The following TRIM8 variants were observed in gnomAD, a reference collection of about 807,000 sequenced individuals.
TRIM8 encodes the protein E3 ubiquitin-protein ligase TRIM8.
In TRIM8, 9 loss-of-function variants were observed where a neutral mutation model predicts 55.7. That is an observed-to-expected ratio of 0.16 (90% CI 0.10 to 0.28). The LOEUF is 0.28. Ranked by LOEUF, TRIM8 falls within the 10% of genes least tolerant of loss-of-function variation. TRIM8 has a pLI of 1.00. For synonymous variants in TRIM8, 335 were observed against 333.3 expected (o/e 1.01, Z -0.06); for missense variants, 556 against 736.4 (o/e 0.76, Z 2.83).
chr10:102,647,159 C>A (rs1210748348), intron 1 of TRIM8, among the ~76,000 whole-genome samples: 2 of 152,210 alleles, frequency 1.3e-5, no homozygotes, highest in Non-Finnish European at 2.9e-5. Context: ...CAGCAGGCCC[C>A]TCATTTCCAG....
At chr10:102,654,622 C>T (rs371114654) in intron 1 of TRIM8, 31 bp from the exon 2 acceptor site, 1 of 1,563,636 alleles carries the variant, frequency 6.4e-7, no homozygotes, top group African/African-American at 1.3e-5. Flanking sequence ...GCCACAGTCC[C>T]TCTGATACTC....
Position 102,656,156 on chromosome 10 carries a change from C to G in TRIM8, c.932+19C>G, listed in dbSNP as rs753092667. ...TGGACAGGTAAGCTGAGGGCCCTAG[C>G]CCTCCCGGGGGCACATCCTGGGGAG... On this transcript the variant is annotated intron_variant, in intron 4 of 5. Transcript: ENST00000643721. The surrounding 1 kb of genome is among the most constrained non-coding windows in gnomAD (Gnocchi z 4.6). The G allele has an allele frequency of 1.2e-6, 2 of 1,614,164 alleles. No individual in the cohort carries two copies. The highest frequency in any genetic ancestry group is 2.2e-5 in the South Asian group (2 of 91,088).
Position 102,656,878 on chromosome 10 carries a change from G to A in TRIM8, c.1180G>A (p.Gly394Ser), listed in dbSNP as rs1482158539. The A allele has an allele frequency of 6.3e-7, 1 of 1,574,908 alleles. No homozygotes were observed. Among genetic ancestry groups the A allele is most frequent in the Admixed American group, 1.9e-5 (1 of 53,124 alleles). Residue 394 changes from glycine (G) to serine (S), a missense_variant, in exon 6 of 6, where the codon GGC becomes AGC. Physicochemically the swap from Gly to Ser is moderately conservative, Grantham distance 56. Around this residue, in one of 2 missense-constraint regions of TRIM8, gnomAD observed 391 missense variants for 441.0 expected, o/e 0.89. Coordinates refer to ENST00000643721, the MANE Select transcript of TRIM8 (RefSeq NM_030912.3). The surrounding 1 kb of genome is among the most constrained non-coding windows in gnomAD (Gnocchi z 4.6). ...PEASFLETSS[G>S]PVGGQYGAAG... ...GGCCAGTTTCCTAGAGACGTCGTCG[G>A]GCCCTGTGGGCGGCCAGTACGGGGC...
chr10:102,654,918 C>T, intron 2 of TRIM8, 162 bp from the exon 3 acceptor site: 4 of 933,058 alleles, frequency 4.3e-6, no homozygotes, highest in African/African-American at 1.7e-5. Flanking sequence ...TGGCCCAGAG[C>T]CCTGTGCTAC....
chr10:102,657,292 G>A lies in TRIM8; in HGVS notation c.1594G>A (p.Gly532Ser). 1.2e-6 allele frequency: 2 copies of A among 1,612,954 alleles called. No individual in the cohort carries two copies. The highest frequency in any genetic ancestry group is 1.1e-5 in the South Asian group (1 of 90,868). ...RDWLDASQQP[G>S]HQDFYRVYGQ... The stretch of plus-strand genomic sequence containing the variant: ...CTGGCTTGACGCCTCCCAGCAGCCC[G>A]GCCACCAGGATTTCTACAGGGTGTA... Residue 532 changes from glycine to serine, a missense_variant, in exon 6 of 6, where the codon GGC becomes AGC. Physicochemically the swap from Gly to Ser is moderately conservative, Grantham distance 56. Around this residue, in one of 2 missense-constraint regions of TRIM8, gnomAD observed 391 missense variants for 441.0 expected, o/e 0.89. Transcript: ENST00000643721.
intron 1 of TRIM8, among the ~76,000 whole-genome samples, chr10:102,650,317 C>T (rs916029546): frequency 2.0e-5 from 3 of 152,250 alleles, no homozygotes; most frequent in East Asian, 1.9e-4. Context: ...GCTCAGGGTT[C>T]GCTGCTCCAG....
chr10:102,652,804 CTT>C (rs11455358), intron 1 of TRIM8, among the ~76,000 whole-genome samples: 33 of 144,092 alleles, frequency 2.3e-4, no homozygotes, highest in South Asian at 6.6e-4. Context: ...CGATACTTAA[CTT>C]TTTTTTTTTT....
intron 3 of TRIM8, 111 bp downstream of exon 3, chr10:102,655,424 G>A (rs1386402753): frequency 1.9e-6 from 2 of 1,031,540 alleles, no homozygotes; most frequent in South Asian, 1.5e-5. Context: ...GAGCCAGCAT[G>A]CATGGGTTCA....
At chr10:102,654,522 G>C (rs542600535) in intron 1 of TRIM8, 131 bp from the exon 2 acceptor site, 13 of 752,422 alleles carry the variant, frequency 1.7e-5, no homozygotes, top group Middle Eastern at 5.3e-4. Flanking sequence ...GGGGGCCAAA[G>C]GGGCTGGGTA....
At chr10:102,646,801 G>A (rs1034978933) in intron 1 of TRIM8, among the ~76,000 whole-genome samples, 6 of 152,196 alleles carry the variant, frequency 3.9e-5, no homozygotes, top group African/African-American at 1.4e-4. Context: ...GGGCTGTCCA[G>A]TTCTGTCCTG....
intron 1 of TRIM8, among the ~76,000 whole-genome samples, chr10:102,648,515 C>T (rs12241712): frequency 1.3e-5 from 2 of 151,914 alleles, no homozygotes; most frequent in African/African-American, 2.4e-5. Flanking sequence ...GGGAGGAGAT[C>T]CCACTGCTTG....
chr10:102,650,914 T>A (rs1174616241), intron 1 of TRIM8, among the ~76,000 whole-genome samples: 1 of 151,986 alleles, frequency 6.6e-6, no homozygotes, highest in Non-Finnish European at 1.5e-5. Context: ...TGAACTGGGG[T>A]GGGGTCGTGA....
chr10:102,645,469 C>T (rs942095639), intron 1 of TRIM8: 13 of 331,026 alleles, frequency 3.9e-5, no homozygotes, highest in African/African-American at 1.7e-4. Flanking sequence ...CTGGGTGTTG[C>T]TTTTCTGTGG....
At chr10:102,654,227 T>C (rs2064005761) in intron 1 of TRIM8, 1 of 162,190 alleles carries the variant, frequency 6.2e-6, no homozygotes, top group African/African-American at 2.4e-5. Context: ...TTGAGGTCAG[T>C]AGTTTGAGAC....
In TRIM8 at chr10:102,645,175, G is replaced by A. The variant is rs1446846031; in HGVS notation, c.558G>A (p.Arg186=). The A allele has an allele frequency of 6.4e-7, 1 of 1,550,518 alleles. No individual in the cohort carries two copies. Among genetic ancestry groups the A allele is most frequent in the Admixed American group, 1.9e-5 (1 of 53,812 alleles). ...CGGTGTGCGACGTGGAGATCCGAAGGAATGAAATCCGGGCAAGTACCCTAC... is the reference window on the plus strand; with the variant it reads ...CGGTGTGCGACGTGGAGATCCGAAGAAATGAAATCCGGGCAAGTACCCTAC... ...GHSVCDVEIR[R]NEIRKMLMKQ... Residue 186 remains arginine, a synonymous_variant, in exon 1 of 6, where the codon AGG becomes AGA. Transcript: ENST00000643721.
Position 102,644,696 on chromosome 10 carries a change from C to G in TRIM8, c.79C>G (p.Gln27Glu). Residue 27 changes from glutamine (Q) to glutamate (E), a missense_variant, in exon 1 of 6, where the codon CAG (glutamine) becomes GAG (glutamate). By Grantham distance (29) the Gln-to-Glu change is conservative. Around this residue, in one of 2 missense-constraint regions of TRIM8, gnomAD observed 165 missense variants for 295.3 expected, o/e 0.56. Coordinates refer to ENST00000643721, the MANE Select transcript of TRIM8 (RefSeq NM_030912.3). ...CCTGCACGTTTTCGTGGAGCCAGTG[C>G]AGCTGCCGTGCAAACACAACTTCTG... ...ICLHVFVEPVQLPCKHNFCRG... is the reference protein window; with the variant it reads ...ICLHVFVEPVELPCKHNFCRG... The G allele has an allele frequency of 6.2e-7, 1 of 1,613,560 alleles. No homozygotes were observed. The highest frequency in any genetic ancestry group is 8.5e-7 in the Non-Finnish European group (1 of 1,179,938).
chr10:102,657,487 C>CTTTTGTT lies in TRIM8; in HGVS notation c.*138_*139insTTTTTTG. The stretch of plus-strand genomic sequence containing the variant: ...TCATTCCATTGCCCCAGGTCTTTTC[C>CTTTTGTT]TTTTGGATTTTGTTTTGGTTTTGGC... On this transcript the variant is annotated 3_prime_UTR_variant, in exon 6 of 6. Coordinates refer to ENST00000643721, the MANE Select transcript of TRIM8 (RefSeq NM_030912.3). 8.5e-7 allele frequency: 1 copy of CTTTTGTT among 1,181,588 alleles called. No homozygotes were observed. The allele number at this position is 1,181,588 out of a possible 1,614,324, so 73.2% of individuals were successfully genotyped here. A position where few individuals can be genotyped will look rare whatever the true frequency, so the allele number is the denominator to read the frequency against.
At chr10:102,646,879 A>G (rs890756653) in intron 1 of TRIM8, among the ~76,000 whole-genome samples, 6 of 152,238 alleles carry the variant, frequency 3.9e-5, no homozygotes, top group African/African-American at 1.2e-4. Context: ...GAGGGGCAGC[A>G]ACCTGGGCGA....
intron 1 of TRIM8, 133 bp downstream of exon 1, chr10:102,645,320 C>T: frequency 9.5e-7 from 1 of 1,054,298 alleles, no homozygotes; most frequent in East Asian, 2.9e-5. Flanking sequence ...TGGCCAAACT[C>T]TTCTCTGAAA....
Sources: gnomAD v4.1 joint callset for allele counts (sites outside exome capture counted in the v4.1 genomes callset) on GRCh38, gnomAD v4.1.1 for gene constraint, gnomAD v4.1.1 regional missense constraint, Gnocchi (gnomAD v3.1) non-coding constraint, MANE v1.5 for transcripts, NCBI Gene and HGNC (gene_info 2026-07-23, HGNC 2026-07-21) for gene names.